C8orf74: variants seen among roughly 807,000 people sequenced by gnomAD.
The protein encoded by C8orf74 is uncharacterized protein C8orf74.
Under a neutral mutation model 22.2 loss-of-function variants are expected in C8orf74, and 29 were observed. The ratio of observed to expected loss-of-function variants is 1.31; its 90% confidence interval spans 0.97 to 1.78. C8orf74 has a LOEUF of 1.78. C8orf74 is among the 40% of genes most tolerant of loss of function. The pLI is 0.00. For synonymous variants in C8orf74, 255 were observed against 163.1 expected (o/e 1.56, Z -4.30); for missense variants, 515 against 369.9 (o/e 1.39, Z -3.22).
In C8orf74 at chr8:10,690,159, A is replaced by C. The variant is rs548215031; in HGVS notation, c.242-7440A>C. On this transcript the variant is annotated intron_variant, in intron 2 of 3. Coordinates refer to ENST00000304519, the MANE Select transcript of C8orf74 (RefSeq NM_001040032.2). ...TGGAGCTGGATGGCCTGGAGTCTGA[A>C]TACCACCTGAGGGGCCCTGAGCAAA... is the stretch of plus-strand genomic sequence containing the variant. Among the ~76,000 whole-genome samples the C allele has an allele frequency of 2.4e-4, 36 of 152,310 alleles. No homozygotes were observed. In the South Asian group the frequency reaches 4.8e-3, roughly 20 times the overall value.
At chr8:10,700,126 G>C (rs59276210) in intron 3 of C8orf74, 109 bp from the exon 4 acceptor site, 16,470 of 686,842 alleles carry the variant, frequency 0.024, 1,351 homozygotes, top group African/African-American at 0.21. Flanking sequence ...GGCAGGGTGA[G>C]ACGGATGGAC....
At chr8:10,693,321 T>C (rs1159478606) in intron 2 of C8orf74, among the ~76,000 whole-genome samples, 1 of 152,156 alleles carries the variant, frequency 6.6e-6, no homozygotes, top group East Asian at 1.9e-4. Flanking sequence ...CTTTACTGCC[T>C]CCTCAGGGAA....
In C8orf74 at chr8:10,674,649, C is replaced by T. The variant is rs774167424; in HGVS notation, c.52C>T (p.Pro18Ser). ...GTTCCCATGTCATTCCCTGCAGAGA[C>T]CACAAGGTCGGGAGCGCCTGCGGAG... ...GVKEVFQLQR[P>S]QGRERLRRLL... Residue 18 changes from proline (P) to serine (S), a missense_variant, in exon 2 of 4, where the codon CCA becomes TCA. Transcript: ENST00000304519. 5 of 1,606,618 alleles carry T rather than the reference C, an allele frequency of 3.1e-6. No homozygotes were observed. The highest frequency in any genetic ancestry group is 4.2e-6 in the Non-Finnish European group (5 of 1,176,672).
At chr8:10,691,370 C>G (rs771051734) in intron 2 of C8orf74, 1 of 172,146 alleles carries the variant, frequency 5.8e-6, no homozygotes, top group Non-Finnish European at 1.3e-5. Flanking sequence ...GTTTTGTGTA[C>G]GGCTGCTGGG....
intron 2 of C8orf74, among the ~76,000 whole-genome samples, chr8:10,693,697 TTC>T (rs1447480822): frequency 2.0e-5 from 3 of 152,132 alleles, no homozygotes; most frequent in African/African-American, 7.2e-5. Context: ...TCATATGGTG[TTC>T]TCTCTGTTGG....
At chr8:10,684,900 G>A (rs758464971) in intron 2 of C8orf74, among the ~76,000 whole-genome samples, 3 of 152,208 alleles carry the variant, frequency 2.0e-5, no homozygotes, top group Non-Finnish European at 4.4e-5. Context: ...GAGCATGAAC[G>A]CTGAGATACG....
intron 2 of C8orf74, among the ~76,000 whole-genome samples, chr8:10,695,063 G>T (rs1391625606): frequency 6.6e-6 from 1 of 151,922 alleles, no homozygotes; most frequent in African/African-American, 2.4e-5. Context: ...AGAGATGAAG[G>T]AAGGAAGGAA....
rs1308513640 is a variant in C8orf74 at position 10,698,111 on chromosome 8, G to A, written c.648+106G>A. The A allele has an allele frequency of 3.5e-6, 4 of 1,130,504 alleles. No homozygotes were observed. The African/African-American group carries it at 6.3e-5, about 18-fold the overall frequency. The allele number at this position is 1,130,504 out of a possible 1,614,324, so 70.0% of individuals were successfully genotyped here. ...AGCTCCTCAGTGGCACACAGGGGAG[G>A]GGGAGAGATGCAGGGAGGAATCAAG... On this transcript the variant is annotated intron_variant, in intron 3 of 3. Transcript: ENST00000304519.
rs761170615 is a variant in C8orf74 at position 10,700,284 on chromosome 8, T to C, written c.698T>C (p.Leu233Pro). 6.2e-7 allele frequency: 1 copy of C among 1,613,470 alleles called. No individual in the cohort carries two copies. The change falls in exon 4 of 4, where the codon CTG (leucine) becomes CCG (proline). Residue 233 changes from leucine (L) to proline (P), a missense_variant. Transcript: ENST00000304519. ...CQAVHTQMELLQELLQRQIQN... is the reference protein window; with the variant it reads ...CQAVHTQMELPQELLQRQIQN... Reference sequence around the variant, plus strand: ...GCAGTCCACACCCAGATGGAGCTCCTGCAGGAGCTGCTGCAGCGCCAGATC... The same window carrying C: ...GCAGTCCACACCCAGATGGAGCTCCCGCAGGAGCTGCTGCAGCGCCAGATC...
chr8:10,698,901 C>CCACA (rs59324425), intron 3 of C8orf74, among the ~76,000 whole-genome samples: 24,841 of 137,382 alleles, frequency 0.18, 2,346 homozygotes, highest in Non-Finnish European at 0.2. Flanking sequence ...TACACACACA[C>CCACA]CACACACACA....
intron 2 of C8orf74, among the ~76,000 whole-genome samples, chr8:10,682,121 G>A (rs533249571): frequency 1.3e-5 from 2 of 152,260 alleles, no homozygotes; most frequent in East Asian, 1.9e-4. Context: ...CAGAGAGAAG[G>A]TGCCAGCCTC....
chr8:10,686,569 G>A (rs1799266256), intron 2 of C8orf74: 1 of 153,082 alleles, frequency 6.5e-6, no homozygotes, highest in South Asian at 2.1e-4. Context: ...CTAGACTTGG[G>A]TCTACAGCCA....
rs1267030897 is a variant in C8orf74, at chr8:10,674,805, A to C, written c.208A>C (p.Lys70Gln). Residue 70 changes from lysine (K) to glutamine (Q), a missense_variant, in exon 2 of 4, where the codon AAG (lysine) becomes CAG (glutamine). Transcript: ENST00000304519. ...FPWVEVAQVV[K>Q]FTEELLRETK... is the part of the protein sequence containing the mutation. ...ATGGGTGGAGGTGGCCCAGGTGGTC[A>C]AGTTCACAGAAGAGCTGCTAAGGGA... The C allele has an allele frequency of 6.2e-7, 1 of 1,605,094 alleles. No individual in the cohort carries two copies. The highest frequency in any genetic ancestry group is 1.1e-5 in the South Asian group (1 of 89,042).
Position 10,685,843 on chromosome 8 carries a change from G to A in C8orf74, c.241+11005G>A, listed in dbSNP as rs571051437. The stretch of plus-strand genomic sequence containing the variant: ...CCAGCACTTTGGGAGGCTGAGGCAG[G>A]TGGATCACGAGATAAGGAGATTGAG... On this transcript the variant is annotated intron_variant, in intron 2 of 3. Transcript: ENST00000304519. 7.9e-5 allele frequency among the ~76,000 whole-genome samples: 12 copies of A among 152,350 alleles called. No individual in the cohort carries two copies. In the South Asian group the frequency reaches 2.1e-3, roughly 26 times the overall value.
intron 2 of C8orf74, among the ~76,000 whole-genome samples, chr8:10,682,195 G>A (rs1303779979): frequency 6.6e-6 from 1 of 152,170 alleles, no homozygotes; most frequent in Non-Finnish European, 1.5e-5. Flanking sequence ...CCCCTCAGGC[G>A]AGACCTGGAG....
chr8:10,697,918 G>A lies in C8orf74; in HGVS notation c.561G>A (p.Glu187=), dbSNP rs1429235822. ...QKRADVLLLK[E]ALRLERENSL... ...GCGCCGACGTGCTGCTCCTGAAAGA[G>A]GCGCTGCGCCTGGAGCGGGAGAACT... The change falls in exon 3 of 4, where the codon GAG becomes GAA. Residue 187 remains glutamate (E), a synonymous_variant. Transcript: ENST00000304519. 6.2e-7 allele frequency: 1 copy of A among 1,601,636 alleles called. No individual in the cohort carries two copies. Among genetic ancestry groups the A allele is most frequent in the Admixed American group, 1.7e-5 (1 of 59,278 alleles).
rs1798995762 is a variant in C8orf74 at position 10,674,751 on chromosome 8, A to C, written c.154A>C (p.Ile52Leu). ...CCTGCTGGACACCCTCTACGAGAGCATCATCTTTGCAGTGGGCAAAGGCTT... is the reference window on the plus strand; with the variant it reads ...CCTGCTGGACACCCTCTACGAGAGCCTCATCTTTGCAGTGGGCAAAGGCTT... ...SILLDTLYESIIFAVGKGFPW... is the reference protein window; with the variant it reads ...SILLDTLYESLIFAVGKGFPW... Residue 52 changes from isoleucine (I) to leucine (L), a missense_variant, in exon 2 of 4, where the codon ATC (isoleucine) becomes CTC (leucine). Ile to Leu is a conservative substitution (Grantham distance 5). Coordinates refer to ENST00000304519, the MANE Select transcript of C8orf74 (RefSeq NM_001040032.2). 1 of 1,607,462 alleles carries C rather than the reference A, an allele frequency of 6.2e-7. No individual in the cohort carries two copies. Among genetic ancestry groups the C allele is most frequent in the Non-Finnish European group, 8.5e-7 (1 of 1,177,028 alleles).
rs1319696283 is a variant in C8orf74, at chr8:10,697,912, G to A, written c.555G>A (p.Leu185=). Residue 185 remains leucine (L), a synonymous_variant, in exon 3 of 4, where the codon CTG becomes CTA. Coordinates refer to ENST00000304519, the MANE Select transcript of C8orf74 (RefSeq NM_001040032.2). ...AGAAGCGCGCCGACGTGCTGCTCCT[G>A]AAAGAGGCGCTGCGCCTGGAGCGGG... The part of the protein sequence containing the change: ...EAQKRADVLL[L]KEALRLEREN... 2.5e-6 allele frequency: 4 copies of A among 1,604,450 alleles called. No homozygotes were observed. In the Admixed American group the frequency reaches 5.0e-5, roughly 20 times the overall value.
intron 2 of C8orf74, among the ~76,000 whole-genome samples, chr8:10,687,544 G>A (rs753171074): frequency 4.7e-5 from 7 of 150,042 alleles, no homozygotes; most frequent in Admixed American, 6.6e-5. Flanking sequence ...TCTGGGAGGC[G>A]GAGGTTGCAG....
Sources: gnomAD v4.1 joint callset for allele counts (sites outside exome capture counted in the v4.1 genomes callset) on GRCh38, gnomAD v4.1.1 for gene constraint, MANE v1.5 for transcripts, NCBI Gene and HGNC (gene_info 2026-07-23, HGNC 2026-07-21) for gene names.